UGT1A8: variants seen among roughly 807,000 people sequenced by gnomAD.
The protein encoded by UGT1A8 is UDP-glucuronosyltransferase 1A8.
Under a neutral mutation model 45.3 loss-of-function variants are expected in UGT1A8, and 39 were observed. That is an observed-to-expected ratio of 0.86 (90% confidence interval 0.67 to 1.12). The LOEUF (loss-of-function observed/expected upper bound fraction) is 1.12. Among genes scored for constraint, UGT1A8 ranks in the 50% most tolerant of loss-of-function variants. The pLI, the probability that UGT1A8 is intolerant of heterozygous loss-of-function variation, is 0.00. For synonymous variants in UGT1A8, 275 were observed against 249.2 expected (o/e 1.10, Z -0.97); for missense variants, 719 against 664.9 (o/e 1.08, Z -0.90).
chr2:233,755,316 A>C, intron 1 of UGT1A8: 1 of 530,882 alleles, frequency 1.9e-6, no homozygotes, highest in Admixed American at 3.3e-5. Context: ...GCGAGCGGCA[A>C]GGCTGCCAGC....
intron 1 of UGT1A8, among the ~76,000 whole-genome samples, chr2:233,644,112 A>G (rs2125467282): frequency 6.6e-6 from 1 of 152,264 alleles, no homozygotes; most frequent in African/African-American, 2.4e-5. Flanking sequence ...TGGGCCTAGT[A>G]CAGCCCTAGA....
intron 1 of UGT1A8, among the ~76,000 whole-genome samples, chr2:233,668,095 G>A (rs2074114165): frequency 6.6e-6 from 1 of 151,830 alleles, no homozygotes; most frequent in Non-Finnish European, 1.5e-5. Context: ...TAGGGTACAT[G>A]TGCACAACAT....
chr2:233,651,536 A>G (rs953080166), intron 1 of UGT1A8, among the ~76,000 whole-genome samples: 11 of 152,178 alleles, frequency 7.2e-5, no homozygotes, highest in Admixed American at 7.2e-4. Context: ...AAAGGAAGGA[A>G]AATTCTCAAA....
intron 1 of UGT1A8, among the ~76,000 whole-genome samples, chr2:233,637,947 A>T (rs1037370370): frequency 6.6e-6 from 1 of 152,166 alleles, no homozygotes; most frequent in African/African-American, 2.4e-5. Flanking sequence ...GATACAATGT[A>T]GTTTTTTAAC....
intron 1 of UGT1A8, among the ~76,000 whole-genome samples, chr2:233,638,376 C>T (rs925133879): frequency 2.0e-5 from 3 of 152,034 alleles, no homozygotes; most frequent in African/African-American, 4.8e-5. Context: ...TATCTTGTAT[C>T]CAGCCACATC....
chr2:233,738,486 T>C (rs1260702507), intron 1 of UGT1A8, among the ~76,000 whole-genome samples: 1 of 152,220 alleles, frequency 6.6e-6, no homozygotes, highest in Non-Finnish European at 1.5e-5. Flanking sequence ...GGAGACTTGT[T>C]GAACGGTTTT....
Position 233,697,037 on chromosome 2 carries a change from CT to C in UGT1A8, c.856-69988del, listed in dbSNP as rs533697413. Among the ~76,000 whole-genome samples, 153 of 150,928 alleles carry C rather than the reference CT, an allele frequency of 1.0e-3. 1 individual carries two copies. The Middle Eastern group carries it at 0.034, about 34-fold the overall frequency. On this transcript the variant is annotated intron_variant, in intron 1 of 4. Transcript: ENST00000373450. ...GTCAGAGATATGGGCCCGCAGTTTTCTTTTTTTTTGTTGTGTCCTTGTCTGG... is the reference window on the plus strand; with the variant it reads ...GTCAGAGATATGGGCCCGCAGTTTTCTTTTTTTTGTTGTGTCCTTGTCTGG...
chr2:233,629,901 C>CT (rs931227831), intron 1 of UGT1A8, among the ~76,000 whole-genome samples: 14 of 151,802 alleles, frequency 9.2e-5, no homozygotes, highest in African/African-American at 2.2e-4. Flanking sequence ...AAGTTGTAGA[C>CT]TTTTTTTTGG....
At chr2:233,711,053 C>T (rs990834283) in intron 1 of UGT1A8, among the ~76,000 whole-genome samples, 3 of 152,170 alleles carry the variant, frequency 2.0e-5, no homozygotes, top group Admixed American at 6.5e-5. Flanking sequence ...ACACCCATGG[C>T]TTCAATCACC....
At chr2:233,710,619 T>C (rs1407259105) in intron 1 of UGT1A8, among the ~76,000 whole-genome samples, 1 of 152,230 alleles carries the variant, frequency 6.6e-6, no homozygotes, top group Non-Finnish European at 1.5e-5. Flanking sequence ...TCTTCTTATA[T>C]TTGAGTAGTG....
chr2:233,760,629 G>T (rs1330446381), intron 1 of UGT1A8: 1 of 1,613,986 alleles, frequency 6.2e-7, no homozygotes, highest in Non-Finnish European at 8.5e-7. Context: ...AAACATACAA[G>T]AAAATAAAAA....
intron 1 of UGT1A8, among the ~76,000 whole-genome samples, chr2:233,764,026 T>C (rs980223655): frequency 5.3e-5 from 8 of 152,158 alleles, no homozygotes; most frequent in African/African-American, 1.9e-4. Flanking sequence ...GGTGTCTAAG[T>C]GCTAAAGAAG....
At chr2:233,757,721 G>A (rs1696705329) in intron 1 of UGT1A8, among the ~76,000 whole-genome samples, 1 of 151,638 alleles carries the variant, frequency 6.6e-6, no homozygotes, top group Non-Finnish European at 1.5e-5. Flanking sequence ...GGAGGGTCCT[G>A]TAGATGATCT....
chr2:233,763,021 T>C (rs1698218577), intron 1 of UGT1A8, among the ~76,000 whole-genome samples: 1 of 152,256 alleles, frequency 6.6e-6, no homozygotes, highest in Non-Finnish European at 1.5e-5. Context: ...TTGCATTATG[T>C]TAGCCATTGT....
intron 1 of UGT1A8, among the ~76,000 whole-genome samples, chr2:233,748,877 G>T (rs1694052195): frequency 6.6e-6 from 1 of 151,560 alleles, no homozygotes; most frequent in Admixed American, 6.6e-5. Flanking sequence ...GGACGGTGAT[G>T]AATGGACATG....
intron 1 of UGT1A8, chr2:233,692,825 T>C: frequency 4.2e-6 from 6 of 1,437,362 alleles, no homozygotes; most frequent in Non-Finnish European, 3.6e-6. Flanking sequence ...ATTAACCATG[T>C]GATTAAAATG....
chr2:233,644,985 C>G (rs1035720896), intron 1 of UGT1A8, among the ~76,000 whole-genome samples: 7 of 152,040 alleles, frequency 4.6e-5, no homozygotes, highest in Non-Finnish European at 7.4e-5. Context: ...CTTATGACCC[C>G]TGATTGAGAA....
rs1693674969 is a variant in UGT1A8 at position 233,747,432 on chromosome 2, T to A, written c.856-19602T>A. ...GAATATGCACATCAAACAAGAGAAA[T>A]TTTTCACCCTGACAACCTATGCCAT... On this transcript the variant is annotated intron_variant, in intron 1 of 4. Transcript: ENST00000373450. 1.9e-6 allele frequency: 3 copies of A among 1,608,474 alleles called. No individual in the cohort carries two copies. The Admixed American group carries it at 5.0e-5, about 27-fold the overall frequency.
intron 1 of UGT1A8, chr2:233,743,944 C>T (rs558062868): frequency 4.4e-5 from 59 of 1,351,522 alleles, no homozygotes; most frequent in Non-Finnish European, 5.5e-5. Flanking sequence ...GCCCACCAGG[C>T]ACTGGCACAG....
Sources: allele counts gnomAD v4.1 joint callset (sites outside exome capture counted in the v4.1 genomes callset), GRCh38; gene constraint gnomAD v4.1.1; transcripts MANE v1.5; gene names NCBI Gene and HGNC (gene_info 2026-07-23, HGNC 2026-07-21).